SAR1B: variants seen among roughly 807,000 people sequenced by gnomAD.
The protein encoded by SAR1B is small COPII coat GTPase SAR1B.
SAR1B carries 23 observed loss-of-function variants against 26.8 expected under a neutral mutation model. The ratio of observed to expected loss-of-function variants is 0.86; its 90% CI spans 0.62 to 1.22. SAR1B has a LOEUF of 1.22. Ranked by LOEUF, SAR1B falls within the 50% of genes most tolerant of loss-of-function variation. SAR1B has a pLI of 0.00. For synonymous variants in SAR1B, 65 were observed against 80.8 expected, an observed-to-expected ratio of 0.80 and a Z score of 1.05; for missense variants, 196 against 232.8, an observed-to-expected ratio of 0.84 and a Z score of 1.03.
chr5:134,606,829 A>G lies in SAR1B; in HGVS notation c.*121T>C. On this transcript the variant is annotated 3_prime_UTR_variant, in exon 7 of 7. Transcript: ENST00000402673. ...CAAATTAAGTTGATTTAATATTAATAATCTAAAAAACATCTGTTTTATAAC... is the reference window on the plus strand; with the variant it reads ...CAAATTAAGTTGATTTAATATTAATGATCTAAAAAACATCTGTTTTATAAC... 1.3e-6 allele frequency: 1 copy of G among 756,744 alleles called. No individual in the cohort carries two copies. The highest frequency in any genetic ancestry group is 1.8e-5 in the Admixed American group (1 of 55,760). 46.9% of individuals were successfully genotyped at this position (756,744 alleles called of 1,614,324 possible). A position where few individuals can be genotyped will look rare whatever the true frequency, so the allele number is the denominator to read the frequency against.
chr5:134,609,133 C>G (rs1260368643), intron 5 of SAR1B: 3 of 457,016 alleles, frequency 6.6e-6, no homozygotes, highest in Non-Finnish European at 1.3e-5. Context: ...AAATATCTGA[C>G]CTGGGATACT....
At chr5:134,614,419 T>C (rs1024144793) in intron 3 of SAR1B, 4 of 152,246 alleles carry the variant, frequency 2.6e-5, no homozygotes, top group African/African-American at 9.6e-5. Flanking sequence ...GATTTTGTTG[T>C]AGTCTTTTGA....
intron 3 of SAR1B, among the ~76,000 whole-genome samples, chr5:134,616,421 G>C (rs1227820653): frequency 6.8e-6 from 1 of 146,860 alleles, no homozygotes; most frequent in Non-Finnish European, 1.5e-5. Context: ...TGGGGGACAA[G>C]AGCGAGACTT....
At chr5:134,613,066 G>A (rs890311134) in intron 3 of SAR1B, 3 of 363,124 alleles carry the variant, frequency 8.3e-6, no homozygotes, top group South Asian at 2.8e-5. Context: ...TTATTTGAAG[G>A]TGTTTTTACC....
At chr5:134,615,829 T>C (rs1422379161) in intron 3 of SAR1B, among the ~76,000 whole-genome samples, 2 of 140,874 alleles carry the variant, frequency 1.4e-5, no homozygotes, top group Admixed American at 7.2e-5. Flanking sequence ...AAAATAACAA[T>C]AATAAATAAA....
chr5:134,612,681 A>AAAT lies in SAR1B; in HGVS notation c.244+9_244+10insATT. 1 of 1,124,724 alleles carries AAAT rather than the reference A, an allele frequency of 8.9e-7. No individual in the cohort carries two copies. Among genetic ancestry groups the AAAT allele is most frequent in the East Asian group, 3.1e-5 (1 of 32,470 alleles). 69.7% of individuals were successfully genotyped at this position (1,124,724 alleles called of 1,614,324 possible). On this transcript the variant is annotated intron_variant, in intron 4 of 6. Transcript: ENST00000402673. ...AAAAAAAAAAAAAAAAAAAAAAAAA[A>AAAT]GAATCTTACCTTGAACATGTCCACC...
Position 134,623,929 on chromosome 5 carries a change from G to T in SAR1B, c.58+33C>A, listed in dbSNP as rs776800703. ...ACTATTAAATAAATAAGACCAAAGG[G>T]GATAACTGTAGAGAACAAAGGACCA... On this transcript the variant is annotated intron_variant, in intron 2 of 6. Coordinates refer to ENST00000402673, the MANE Select transcript of SAR1B (RefSeq NM_016103.4). The T allele has an allele frequency of 1.5e-5, 21 of 1,428,234 alleles. No homozygotes were observed. In the Admixed American group the frequency reaches 2.8e-4, roughly 19 times the overall value. The allele number at this position is 1,428,234 out of a possible 1,614,324, so 88.5% of individuals were successfully genotyped here.
intron 5 of SAR1B, chr5:134,608,908 GCA>G: frequency 2.8e-6 from 1 of 362,714 alleles, no homozygotes. Flanking sequence ...CAAGTAATAC[GCA>G]CAGTCTCTGG....
intron 6 of SAR1B, among the ~76,000 whole-genome samples, chr5:134,607,754 A>G (rs1765151204): frequency 6.7e-6 from 1 of 150,018 alleles, no homozygotes; most frequent in Non-Finnish European, 1.5e-5. Flanking sequence ...CCTGGGCAAC[A>G]AGAGCAAAAC....
Position 134,612,680 on chromosome 5 carries a change from A to AAAAAATAAAATTT in SAR1B, c.244+10_244+11insAAATTTTATTTTT. On this transcript the variant is annotated intron_variant, in intron 4 of 6. Coordinates refer to ENST00000402673, the MANE Select transcript of SAR1B (RefSeq NM_016103.4). ...AAAAAAAAAAAAAAAAAAAAAAAAA[A>AAAAAATAAAATTT]AGAATCTTACCTTGAACATGTCCAC... 1 of 1,043,434 alleles carries AAAAAATAAAATTT rather than the reference A, an allele frequency of 9.6e-7. No homozygotes were observed. Among genetic ancestry groups the AAAAAATAAAATTT allele is most frequent in the Non-Finnish European group, 1.3e-6 (1 of 760,638 alleles). The allele number at this position is 1,043,434 out of a possible 1,614,324, so 64.6% of individuals were successfully genotyped here. A position where few individuals can be genotyped will look rare whatever the true frequency, so the allele number is the denominator to read the frequency against.
At chr5:134,621,154 T>G in intron 2 of SAR1B, 102 bp from the exon 3 acceptor site, 1 of 1,328,328 alleles carries the variant, frequency 7.5e-7, no homozygotes, top group Non-Finnish European at 1.1e-6. Flanking sequence ...AAACCTATTT[T>G]CAGTTTTAAA....
At chr5:134,617,391 T>TC (rs1453920924) in intron 3 of SAR1B, among the ~76,000 whole-genome samples, 2 of 152,136 alleles carry the variant, frequency 1.3e-5, no homozygotes, top group African/African-American at 4.8e-5. Flanking sequence ...CACATATGCT[T>TC]TTTTTTCCTT....
chr5:134,623,161 C>T (rs931807733), intron 2 of SAR1B, among the ~76,000 whole-genome samples: 3 of 150,186 alleles, frequency 2.0e-5, no homozygotes, highest in African/African-American at 4.9e-5. Flanking sequence ...TGTAGCAAGG[C>T]TGGGCACAGT....
In SAR1B at chr5:134,603,189, G is replaced by A. The variant is rs536248394; in HGVS notation, c.*3761C>T. On this transcript the variant is annotated 3_prime_UTR_variant, in exon 7 of 7. Coordinates refer to ENST00000402673, the MANE Select transcript of SAR1B (RefSeq NM_016103.4). Reference sequence around the variant, plus strand: ...ATTTCCCCTTATGTAGCTATTCTCAGTGCACTCTGGTCAAATTTTACTTGG... The same window carrying A: ...ATTTCCCCTTATGTAGCTATTCTCAATGCACTCTGGTCAAATTTTACTTGG... 1 of 152,288 alleles carries A rather than the reference G, an allele frequency of 6.6e-6. No individual in the cohort carries two copies. Among genetic ancestry groups the A allele is most frequent in the South Asian group, 2.1e-4 (1 of 4,828 alleles). The allele number at this position is 152,288 out of a possible 1,614,324, so 9.4% of individuals were successfully genotyped here. A position where few individuals can be genotyped will look rare whatever the true frequency, so the allele number is the denominator to read the frequency against.
intron 6 of SAR1B, 83 bp downstream of exon 6, chr5:134,608,289 G>C (rs1323964722): frequency 7.3e-7 from 1 of 1,370,888 alleles, no homozygotes; most frequent in Non-Finnish European, 1.0e-6. Context: ...TAATGGGCTT[G>C]TATAGTTGGA....
At chr5:134,611,540 G>A (rs1370498579) in intron 4 of SAR1B, among the ~76,000 whole-genome samples, 1 of 151,994 alleles carries the variant, frequency 6.6e-6, no homozygotes, top group Non-Finnish European at 1.5e-5. Context: ...GGGCAAGATT[G>A]TGAGACCCCA....
chr5:134,618,664 C>T (rs925997219), intron 3 of SAR1B, among the ~76,000 whole-genome samples: 4 of 152,174 alleles, frequency 2.6e-5, no homozygotes, highest in Non-Finnish European at 2.9e-5. Context: ...TTCTCAAATT[C>T]GTTACATAAC....
chr5:134,618,121 T>A (rs1765344697), intron 3 of SAR1B: 1 of 151,994 alleles, frequency 6.6e-6, no homozygotes, highest in Admixed American at 6.6e-5. Flanking sequence ...ATCGAGACCA[T>A]CCTGGCTAAC....
At chr5:134,630,540 T>C (rs965605332) in intron 1 of SAR1B, among the ~76,000 whole-genome samples, 4 of 151,482 alleles carry the variant, frequency 2.6e-5, no homozygotes, top group Non-Finnish European at 5.9e-5. Context: ...CCAAGCACTT[T>C]AGGAGGCCAA....
Sources: gnomAD v4.1 joint callset for allele counts (sites outside exome capture counted in the v4.1 genomes callset) on GRCh38, gnomAD v4.1.1 for gene constraint, MANE v1.5 for transcripts, NCBI Gene and HGNC (gene_info 2026-07-23, HGNC 2026-07-21) for gene names.